Variants in KIAA1958 observed in about 807,000 individuals in gnomAD.
KIAA1958 encodes uncharacterized protein KIAA1958.
KIAA1958 carries 14 observed loss-of-function variants against 47.2 expected under a neutral mutation model. The observed-to-expected ratio is 0.30, with a 90% CI of 0.20 to 0.46. The LOEUF is 0.46. KIAA1958 is among the 20% of genes least tolerant of loss of function. KIAA1958 has a pLI of 1.00. For missense variants in KIAA1958, 803 were observed against 909.2 expected (o/e 0.88, Z 1.50); for synonymous variants, 354 against 353.3 (o/e 1.00, Z -0.02).
chr9:112,616,618 C>T (rs1836411797), intron 2 of KIAA1958, among the ~76,000 whole-genome samples: 1 of 152,106 alleles, frequency 6.6e-6, no homozygotes, highest in Non-Finnish European at 1.5e-5. Context: ...CTGTGTTTGC[C>T]TCTCAACAAT....
At position 112,618,324 on chromosome 9, in the gene KIAA1958, T is replaced by G. The variant is rs1290129411; in HGVS notation, c.1172-27326T>G. ...CTAAGCCGATATAACCCCGAGGGTT[T>G]GCTCAACCTAGTCTGGCTCAACAAC... On this transcript the variant is annotated intron_variant, in intron 2 of 3. Coordinates refer to ENST00000337530, the MANE Select transcript of KIAA1958 (RefSeq NM_133465.4). The surrounding 1 kb of genome is among the most constrained non-coding windows in gnomAD (Gnocchi z 7.1). The G allele has an allele frequency of 6.4e-7, 1 of 1,551,242 alleles. No homozygotes were observed. The highest frequency in any genetic ancestry group is 8.7e-7 in the Non-Finnish European group (1 of 1,147,122).
chr9:112,575,410 T>C (rs1404646095), intron 2 of KIAA1958, among the ~76,000 whole-genome samples, 159 bp downstream of exon 2: 1 of 151,876 alleles, frequency 6.6e-6, no homozygotes, highest in Non-Finnish European at 1.5e-5. Flanking sequence ...GGTGATACTA[T>C]ACAGGAAATT....
At position 112,507,998 on chromosome 9, in the gene KIAA1958, A is replaced by C. The variant is rs145390079; in HGVS notation, c.-25+20880A>C. ...TTTGAGAATTGGATAAAATCTTTGGACTCCTTTCTTATTAAATACATATCT... is the reference window on the plus strand; with the variant it reads ...TTTGAGAATTGGATAAAATCTTTGGCCTCCTTTCTTATTAAATACATATCT... On this transcript the variant is annotated intron_variant, in intron 1 of 3. Transcript: ENST00000337530. Among the ~76,000 whole-genome samples the C allele has an allele frequency of 5.8e-4, 87 of 150,934 alleles. 1 individual carries two copies. Among genetic ancestry groups the C allele is most frequent in the African/African-American group, 2.1e-3 (87 of 40,990 alleles).
In KIAA1958 at chr9:112,593,839, T is replaced by TTTTTGTTTTGTTTTG. The variant is rs10627875; in HGVS notation, c.1171+18613_1171+18627dup. Among the ~76,000 whole-genome samples the TTTTTGTTTTGTTTTG allele has an allele frequency of 5.9e-3, 879 of 147,952 alleles. 8 individuals are homozygous for TTTTTGTTTTGTTTTG. Among genetic ancestry groups the TTTTTGTTTTGTTTTG allele is most frequent in the African/African-American group, 0.019 (769 of 39,866 alleles). On this transcript the variant is annotated intron_variant, in intron 2 of 3. Coordinates refer to ENST00000337530, the MANE Select transcript of KIAA1958 (RefSeq NM_133465.4). ...CCAACTGCAAGGGAGACTTGTCTGTTTTTTGTTTTGTTTTGTTTTGTTTTG... is the reference window on the plus strand; with the variant it reads ...CCAACTGCAAGGGAGACTTGTCTGTTTTTTGTTTTGTTTTGTTTTGTTTTGTTTTGTTTTGTTTTG...
chr9:112,608,484 T>A (rs564091532), intron 2 of KIAA1958, among the ~76,000 whole-genome samples: 1 of 152,146 alleles, frequency 6.6e-6, no homozygotes, highest in Non-Finnish European at 1.5e-5. Flanking sequence ...TACCAAAATA[T>A]GCTGTATAAA....
At chr9:112,621,777 C>T (rs990584549) in intron 2 of KIAA1958, among the ~76,000 whole-genome samples, 28 of 152,180 alleles carry the variant, frequency 1.8e-4, no homozygotes, top group Admixed American at 1.5e-3. Context: ...GAGACAGGGT[C>T]TTGCTCTGTC....
At chr9:112,616,408 A>T (rs908697188) in intron 2 of KIAA1958, among the ~76,000 whole-genome samples, 1 of 152,242 alleles carries the variant, frequency 6.6e-6, no homozygotes, top group Admixed American at 6.5e-5. Flanking sequence ...ATGTATAGTA[A>T]TACAAAAAGT....
intron 2 of KIAA1958, among the ~76,000 whole-genome samples, chr9:112,603,515 C>T (rs1836171995): frequency 1.3e-5 from 2 of 152,156 alleles, no homozygotes; most frequent in African/African-American, 4.8e-5. Flanking sequence ...ACCCAAGTCC[C>T]ACCCAGTTCC....
At chr9:112,539,006 C>T (rs1202270378) in intron 1 of KIAA1958, among the ~76,000 whole-genome samples, 1 of 152,238 alleles carries the variant, frequency 6.6e-6, no homozygotes, top group East Asian at 1.9e-4. Context: ...TACCACTTCA[C>T]ACCCACTGGG....
intron 1 of KIAA1958, among the ~76,000 whole-genome samples, chr9:112,516,279 TA>T (rs34888337): frequency 4.7e-5 from 7 of 147,734 alleles, no homozygotes; most frequent in Non-Finnish European, 6.0e-5. Flanking sequence ...CCTCATCTCT[TA>T]AAAAAAAAAA....
chr9:112,645,310 A>AT (rs1179176906), intron 2 of KIAA1958, among the ~76,000 whole-genome samples: 1 of 151,988 alleles, frequency 6.6e-6, no homozygotes, highest in Non-Finnish European at 1.5e-5. Context: ...TAGAAATGCT[A>AT]TTTTTTCAGT....
At chr9:112,588,633 G>A (rs548920409) in intron 2 of KIAA1958, among the ~76,000 whole-genome samples, 7 of 152,264 alleles carry the variant, frequency 4.6e-5, no homozygotes, top group African/African-American at 1.7e-4. Flanking sequence ...CTTTGTGTGT[G>A]TGTGTTTTCC....
At chr9:112,555,897 A>T (rs1271917584) in intron 1 of KIAA1958, among the ~76,000 whole-genome samples, 2 of 148,764 alleles carry the variant, frequency 1.3e-5, no homozygotes, top group African/African-American at 4.8e-5. Context: ...CAACATGGTA[A>T]AACCCCGTCT....
chr9:112,546,700 A>G (rs770173484), intron 1 of KIAA1958, among the ~76,000 whole-genome samples: 25 of 152,146 alleles, frequency 1.6e-4, no homozygotes, highest in Non-Finnish European at 3.2e-4. Flanking sequence ...TGATTGTTGT[A>G]TATTACATGC....
At chr9:112,569,345 TAA>T (rs1835491228) in intron 1 of KIAA1958, among the ~76,000 whole-genome samples, 1 of 152,242 alleles carries the variant, frequency 6.6e-6, no homozygotes. Context: ...ACCATTGCAT[TAA>T]GTGTCTTCTT....
At chr9:112,641,663 G>C (rs977948390) in intron 2 of KIAA1958, among the ~76,000 whole-genome samples, 14 of 151,580 alleles carry the variant, frequency 9.2e-5, no homozygotes, top group African/African-American at 2.9e-4. Context: ...CAGTCTCCTG[G>C]ATCTGTCTTT....
intron 2 of KIAA1958, among the ~76,000 whole-genome samples, chr9:112,615,772 G>A (rs904543539): frequency 6.6e-6 from 1 of 152,186 alleles, no homozygotes; most frequent in Non-Finnish European, 1.5e-5. Flanking sequence ...ATGCTAATGG[G>A]TAAAAGTCAA....
intron 1 of KIAA1958, among the ~76,000 whole-genome samples, chr9:112,510,334 A>G (rs532064753): frequency 1.3e-5 from 2 of 152,204 alleles, no homozygotes; most frequent in East Asian, 1.9e-4. Flanking sequence ...CATATAGTCA[A>G]CTCTCAGTAG....
intron 3 of KIAA1958, among the ~76,000 whole-genome samples, chr9:112,655,275 G>C (rs1236458277): frequency 6.6e-6 from 1 of 152,092 alleles, no homozygotes; most frequent in Non-Finnish European, 1.5e-5. Flanking sequence ...TGAAGATGGA[G>C]TCATTTTGTG....
Sources: gnomAD v4.1 joint callset for allele counts (sites outside exome capture counted in the v4.1 genomes callset) on GRCh38, gnomAD v4.1.1 for gene constraint, Gnocchi (gnomAD v3.1) non-coding constraint, MANE v1.5 for transcripts, NCBI Gene and HGNC (gene_info 2026-07-23, HGNC 2026-07-21) for gene names.